The following ECPAS variants were observed in gnomAD, a reference collection of about 807,000 sequenced individuals.
ECPAS encodes proteasome adapter and scaffold protein ECM29.
In ECPAS, 70 loss-of-function variants were observed where a neutral mutation model predicts 255.1. The ratio of observed to expected loss-of-function variants is 0.27; its 90% CI spans 0.23 to 0.33. The LOEUF (loss-of-function observed/expected upper bound fraction) is 0.33, where lower values mean the gene tolerates loss of function less well. ECPAS is among the 10% of genes least tolerant of loss of function. ECPAS has a pLI of 1.00. For missense variants in ECPAS, 1,817 were observed against 2,206.4 expected (o/e 0.82, Z 3.54); for synonymous variants, 784 against 775.0 (o/e 1.01, Z -0.19).
chr9:111,403,770 A>G (rs79802112), intron 24 of ECPAS, among the ~76,000 whole-genome samples: 7,865 of 149,796 alleles, frequency 0.053, 1,417 homozygotes, highest in African/African-American at 0.19. Flanking sequence ...TGGACCTGAC[A>G]TTTACAGAAC....
intron 9 of ECPAS, 142 bp from the exon 10 acceptor site, chr9:111,428,303 A>G (rs973572228): frequency 1.6e-6 from 1 of 635,558 alleles, no homozygotes; most frequent in Non-Finnish European, 2.5e-6. Context: ...TGAACTCTCC[A>G]AAGAGCTTCT....
intron 36 of ECPAS, among the ~76,000 whole-genome samples, chr9:111,377,804 C>G (rs1457318895): frequency 6.6e-6 from 1 of 152,140 alleles, no homozygotes; most frequent in Non-Finnish European, 1.5e-5. Context: ...TTCTATCCTT[C>G]TGTATTAACT....
intron 23 of ECPAS, among the ~76,000 whole-genome samples, chr9:111,408,884 G>A (rs926276246): frequency 6.6e-6 from 1 of 152,196 alleles, no homozygotes; most frequent in Non-Finnish European, 1.5e-5. Flanking sequence ...ATCCACAGCT[G>A]CAAAAGAAGA....
intron 2 of ECPAS, among the ~76,000 whole-genome samples, chr9:111,457,291 G>A (rs1003897597): frequency 3.3e-5 from 5 of 152,196 alleles, no homozygotes; most frequent in Middle Eastern, 3.4e-3. Flanking sequence ...AAGGGGAGGG[G>A]AACAGTTATT....
chr9:111,483,944 C>G (rs1357536334), intron 1 of ECPAS, 172 bp downstream of exon 1: 1 of 924,418 alleles, frequency 1.1e-6, no homozygotes, highest in Non-Finnish European at 1.3e-6. Flanking sequence ...GCCCCTCGCG[C>G]GCCCGCCCGC....
Position 111,484,194 on chromosome 9 carries a change from C to T in ECPAS, c.-161G>A, listed in dbSNP as rs777407828. On this transcript the variant is annotated 5_prime_UTR_variant, in exon 1 of 50. Coordinates refer to ENST00000684092, the MANE Select transcript of ECPAS (RefSeq NM_001364929.1). ...GAGGGCTGTAGAGCGAGGCGTTCGG[C>T]GGGCCGGGCCCCGGGGAGCCGCGCG... The T allele has an allele frequency of 4.7e-6, 7 of 1,480,692 alleles. No homozygotes were observed. Among genetic ancestry groups the T allele is most frequent in the Admixed American group, 2.4e-5 (1 of 41,550 alleles). 91.7% of individuals were successfully genotyped at this position (1,480,692 alleles called of 1,614,324 possible).
At chr9:111,457,853 A>C (rs557038285) in intron 2 of ECPAS, among the ~76,000 whole-genome samples, 3 of 152,370 alleles carry the variant, frequency 2.0e-5, no homozygotes, top group Admixed American at 6.5e-5. Context: ...TATAGCATTT[A>C]TATCAGTGTC....
rs1241875032 is a variant in ECPAS at position 111,484,206 on chromosome 9, CG to C, written c.-174del. 1 of 1,472,462 alleles carries C rather than the reference CG, an allele frequency of 6.8e-7. No homozygotes were observed. The highest frequency in any genetic ancestry group is 2.6e-5 in the Admixed American group (1 of 38,986). The allele number at this position is 1,472,462 out of a possible 1,614,324, so 91.2% of individuals were successfully genotyped here. ...GCGAGGCGTTCGGCGGGCCGGGCCCCGGGGAGCCGCGCGCCGCAGTCCGTGA... is the reference window on the plus strand; with the variant it reads ...GCGAGGCGTTCGGCGGGCCGGGCCCCGGGAGCCGCGCGCCGCAGTCCGTGA... On this transcript the variant is annotated 5_prime_UTR_variant, in exon 1 of 50. Transcript: ENST00000684092.
intron 3 of ECPAS, among the ~76,000 whole-genome samples, chr9:111,450,606 T>C (rs1225611805): frequency 6.6e-6 from 1 of 152,140 alleles, no homozygotes; most frequent in Non-Finnish European, 1.5e-5. Context: ...AAGGGGGAAA[T>C]GTTCCATGTA....
chr9:111,376,406 C>G, intron 37 of ECPAS, 70 bp downstream of exon 37: 1 of 1,266,598 alleles, frequency 7.9e-7, no homozygotes, highest in Non-Finnish European at 1.1e-6. Flanking sequence ...TTAACATAGC[C>G]TGAAGACTTT....
At chr9:111,371,924 G>A (rs917420972) in intron 42 of ECPAS, 95 bp from the exon 43 acceptor site, 1 of 892,052 alleles carries the variant, frequency 1.1e-6, no homozygotes, top group Non-Finnish European at 1.7e-6. Context: ...CAGTCTAAAA[G>A]CAGTGACTCT....
intron 35 of ECPAS, among the ~76,000 whole-genome samples, chr9:111,379,276 T>C (rs973819371): frequency 7.9e-5 from 12 of 152,210 alleles, no homozygotes; most frequent in African/African-American, 2.9e-4. Context: ...CAGACCACCA[T>C]AATAAAGAAA....
chr9:111,378,913 G>A (rs1168140286), intron 35 of ECPAS, among the ~76,000 whole-genome samples, 183 bp from the exon 36 acceptor site: 1 of 152,124 alleles, frequency 6.6e-6, no homozygotes, highest in Non-Finnish European at 1.5e-5. Context: ...ATATATAGAG[G>A]TAGGTAGAAT....
rs750693795 is a variant in ECPAS at position 111,428,195 on chromosome 9, T to G, written c.931-34A>C. On this transcript the variant is annotated intron_variant, in intron 9 of 49. Transcript: ENST00000684092. ...AATATGCTTGATTATAACTCAGCAA[T>G]TCAAAATTATTTTGAACTGAAAATG... 6 of 1,580,644 alleles carry G rather than the reference T, an allele frequency of 3.8e-6. No homozygotes were observed. The South Asian group carries it at 7.0e-5, about 19-fold the overall frequency.
intron 17 of ECPAS, 102 bp from the exon 18 acceptor site, chr9:111,416,454 G>T: frequency 1.2e-6 from 1 of 817,058 alleles, no homozygotes; most frequent in Non-Finnish European, 2.0e-6. Flanking sequence ...CATGTCCTAA[G>T]TTTGCTTCTT....
intron 10 of ECPAS, among the ~76,000 whole-genome samples, chr9:111,426,944 G>A (rs1026569614): frequency 6.6e-6 from 1 of 152,146 alleles, no homozygotes; most frequent in African/African-American, 2.4e-5. Flanking sequence ...CTGCACTCCA[G>A]TCTGGGTGGC....
intron 9 of ECPAS, among the ~76,000 whole-genome samples, chr9:111,428,902 T>C (rs1231572326): frequency 6.6e-6 from 1 of 152,246 alleles, no homozygotes; most frequent in African/African-American, 2.4e-5. Context: ...TGCACAATAC[T>C]GGCTCACTGA....
chr9:111,414,959 A>T (rs2098200906), intron 18 of ECPAS, among the ~76,000 whole-genome samples: 1 of 152,174 alleles, frequency 6.6e-6, no homozygotes, highest in Admixed American at 6.5e-5. Flanking sequence ...ACATGTTCTC[A>T]CTTATAAGTG....
In ECPAS at chr9:111,437,014, G is replaced by A. The variant is rs760837650; in HGVS notation, c.634C>T (p.Pro212Ser). The A allele has an allele frequency of 1.2e-6, 2 of 1,612,964 alleles. No individual in the cohort carries two copies. The highest frequency in any genetic ancestry group is 1.1e-5 in the South Asian group (1 of 90,890). Reference sequence around the variant, plus strand: ...GCTGCATAAAAGCTCATTCCCGGAGGAGGCTGTGGGATTCCAGAACCTCCG... The same window carrying A: ...GCTGCATAAAAGCTCATTCCCGGAGAAGGCTGTGGGATTCCAGAACCTCCG... ...SGGGSGIPQP[P>S]PGMSFYAAKR... Residue 212 changes from proline (P) to serine (S), a missense_variant, in exon 7 of 50, where the codon CCT (proline) becomes TCT (serine). Pro to Ser is a moderately conservative substitution (Grantham distance 74). This residue lies in a region of ECPAS where 573 missense variants were observed against 716.2 expected (regional missense o/e 0.80). Coordinates refer to ENST00000684092, the MANE Select transcript of ECPAS (RefSeq NM_001364929.1).
Sources: allele counts gnomAD v4.1 joint callset (sites outside exome capture counted in the v4.1 genomes callset), GRCh38; gene constraint gnomAD v4.1.1; regional missense constraint gnomAD v4.1.1; transcripts MANE v1.5; gene names NCBI Gene and HGNC (gene_info 2026-07-23, HGNC 2026-07-21).